Variants in SPCS2 observed in about 807,000 individuals in gnomAD.
The protein encoded by SPCS2 is signal peptidase complex subunit 2.
A neutral mutation model predicts 22.3 loss-of-function variants in SPCS2; 3 were observed. The observed-to-expected ratio is 0.13, with a 90% CI of 0.06 to 0.35. SPCS2 has a LOEUF of 0.35. SPCS2 is among the 10% of genes least tolerant of loss of function. SPCS2 has a pLI of 1.00. For missense variants in SPCS2, 169 were observed against 280.9 expected, an observed-to-expected ratio of 0.60 and a Z score of 2.85; for synonymous variants, 67 against 97.2, an observed-to-expected ratio of 0.69 and a Z score of 1.83.
At chr11:74,957,321 GAA>G (rs1414773604) in intron 1 of SPCS2, among the ~76,000 whole-genome samples, 3 of 152,170 alleles carry the variant, frequency 2.0e-5, no homozygotes, top group Non-Finnish European at 4.4e-5. Flanking sequence ...AAGAAACCCA[GAA>G]AAGTCATATA....
intron 3 of SPCS2, among the ~76,000 whole-genome samples, chr11:74,968,856 C>A (rs1189665903): frequency 6.6e-6 from 1 of 151,822 alleles, no homozygotes; most frequent in East Asian, 1.9e-4. Context: ...GAAATGGGGT[C>A]TCCCATTGTT....
At chr11:74,972,039 T>G (rs1021560893) in intron 4 of SPCS2, among the ~76,000 whole-genome samples, 2 of 152,150 alleles carry the variant, frequency 1.3e-5, no homozygotes, top group Non-Finnish European at 2.9e-5. Flanking sequence ...TTCCTTAACA[T>G]GCCTTAGTCT....
At chr11:74,950,037 C>A (rs941777813) in intron 1 of SPCS2, among the ~76,000 whole-genome samples, 2 of 152,092 alleles carry the variant, frequency 1.3e-5, no homozygotes, top group Non-Finnish European at 2.9e-5. Flanking sequence ...ACGCTTGCCC[C>A]TTTCCTCCCT....
chr11:74,978,919 A>G lies in SPCS2; in HGVS notation c.*1876A>G, dbSNP rs1266204183. ...TCCACATACATTTTTTTTAACAAAA[A>G]TTGAATTATGTTGATATATGTCCTG... On this transcript the variant is annotated 3_prime_UTR_variant, in exon 5 of 5. Coordinates refer to ENST00000263672, the MANE Select transcript of SPCS2 (RefSeq NM_014752.3). The G allele has an allele frequency of 1.3e-5, 2 of 152,158 alleles. No homozygotes were observed. The highest frequency in any genetic ancestry group is 2.9e-5 in the Non-Finnish European group (2 of 68,014). 9.4% of individuals were successfully genotyped at this position (152,158 alleles called of 1,614,324 possible).
intron 3 of SPCS2, among the ~76,000 whole-genome samples, chr11:74,966,182 C>A (rs539659240): frequency 2.2e-4 from 34 of 152,260 alleles, no homozygotes; most frequent in African/African-American, 7.7e-4. Flanking sequence ...CTAATATGAG[C>A]ACTTAATAGC....
At chr11:74,951,988 G>C (rs1036691639) in intron 1 of SPCS2, among the ~76,000 whole-genome samples, 2 of 152,088 alleles carry the variant, frequency 1.3e-5, no homozygotes, top group Non-Finnish European at 2.9e-5. Flanking sequence ...TTGACTAGAA[G>C]GCTCTCTAAA....
chr11:74,963,903 A>G (rs1273834137), intron 1 of SPCS2, among the ~76,000 whole-genome samples: 5 of 152,250 alleles, frequency 3.3e-5, no homozygotes, highest in Non-Finnish European at 7.3e-5. Context: ...ATGGTCTACA[A>G]AAAACAGGTT....
At chr11:74,966,351 G>A (rs541516268) in intron 3 of SPCS2, among the ~76,000 whole-genome samples, 1 of 152,182 alleles carries the variant, frequency 6.6e-6, no homozygotes, top group Non-Finnish European at 1.5e-5. Flanking sequence ...CTGAGGAGCT[G>A]AACTGGAAAG....
chr11:74,973,957 A>C (rs1948601343), intron 4 of SPCS2, among the ~76,000 whole-genome samples: 1 of 152,078 alleles, frequency 6.6e-6, no homozygotes, highest in Non-Finnish European at 1.5e-5. Context: ...AACTGAAAAA[A>C]AAAAAGGTTT....
intron 3 of SPCS2, among the ~76,000 whole-genome samples, chr11:74,966,405 T>TG (rs1380008598): frequency 6.6e-6 from 1 of 152,224 alleles, no homozygotes; most frequent in African/African-American, 2.4e-5. Context: ...ACAGTGGAAT[T>TG]AAGAACTTAT....
intron 1 of SPCS2, 171 bp downstream of exon 1, chr11:74,949,570 C>T (rs1948313047): frequency 1.5e-6 from 1 of 685,874 alleles, no homozygotes; most frequent in African/African-American, 1.8e-5. Flanking sequence ...CCTCATCACA[C>T]TTCAAACCTG....
In SPCS2 at chr11:74,977,176, A is replaced by G. The variant is rs908478956; in HGVS notation, c.*133A>G. On this transcript the variant is annotated 3_prime_UTR_variant, in exon 5 of 5. Coordinates refer to ENST00000263672, the MANE Select transcript of SPCS2 (RefSeq NM_014752.3). ...AGTCCCTGTTTTGTCCTGAAATTTT[A>G]GTCTATTCTGGGTAAATAGGATTTT... 1.8e-5 allele frequency: 24 copies of G among 1,363,028 alleles called. No homozygotes were observed. The highest frequency in any genetic ancestry group is 2.2e-5 in the Non-Finnish European group (23 of 1,032,324). 84.4% of individuals were successfully genotyped at this position (1,363,028 alleles called of 1,614,324 possible).
At chr11:74,973,410 A>G (rs1473667808) in intron 4 of SPCS2, among the ~76,000 whole-genome samples, 1 of 152,062 alleles carries the variant, frequency 6.6e-6, no homozygotes, top group Non-Finnish European at 1.5e-5. Context: ...TCTCAGTTTT[A>G]CTTCCTTTCT....
intron 4 of SPCS2, among the ~76,000 whole-genome samples, chr11:74,976,570 G>A (rs1050735620): frequency 1.3e-5 from 2 of 152,218 alleles, no homozygotes; most frequent in African/African-American, 4.8e-5. Flanking sequence ...GAAGTCCAGA[G>A]ATGAGAGAAG....
At chr11:74,966,022 G>A in intron 3 of SPCS2, 99 bp downstream of exon 3, 2 of 1,082,648 alleles carry the variant, frequency 1.8e-6, no homozygotes, top group Non-Finnish European at 2.7e-6. Flanking sequence ...TCATATTAGG[G>A]CTTGCTAATG....
At chr11:74,972,201 G>A (rs943314442) in intron 4 of SPCS2, among the ~76,000 whole-genome samples, 1 of 152,064 alleles carries the variant, frequency 6.6e-6, no homozygotes, top group Non-Finnish European at 1.5e-5. Context: ...GAGTAGCTGG[G>A]ATTACGGACC....
At chr11:74,965,208 T>G in intron 2 of SPCS2, 91 bp downstream of exon 2, 1 of 866,626 alleles carries the variant, frequency 1.2e-6, no homozygotes, top group South Asian at 1.9e-5. Flanking sequence ...TGGAGTGACC[T>G]TAGTTTTCAG....
intron 1 of SPCS2, among the ~76,000 whole-genome samples, chr11:74,951,996 A>G (rs745772861): frequency 6.6e-6 from 1 of 152,068 alleles, no homozygotes; most frequent in African/African-American, 2.4e-5. Flanking sequence ...AAGGCTCTCT[A>G]AAGGAACTGT....
At chr11:74,954,249 T>C (rs1166153988) in intron 1 of SPCS2, among the ~76,000 whole-genome samples, 1 of 152,244 alleles carries the variant, frequency 6.6e-6, no homozygotes, top group South Asian at 2.1e-4. Flanking sequence ...ATATGATACT[T>C]CAGCCTCATT....
Sources: allele counts gnomAD v4.1 joint callset (sites outside exome capture counted in the v4.1 genomes callset), GRCh38; gene constraint gnomAD v4.1.1; transcripts MANE v1.5; gene names NCBI Gene and HGNC (gene_info 2026-07-23, HGNC 2026-07-21).